Variants in NT5C1A observed in about 807,000 individuals in gnomAD.
NT5C1A encodes 5'-nucleotidase, cytosolic IA.
NT5C1A carries 18 observed loss-of-function variants against 31.0 expected under a neutral mutation model. The ratio of observed to expected loss-of-function variants is 0.58; its 90% CI spans 0.40 to 0.86. The LOEUF (loss-of-function observed/expected upper bound fraction) is 0.86. Ranked by LOEUF, NT5C1A falls within the 40% of genes least tolerant of loss-of-function variation. The pLI, the probability that NT5C1A is intolerant of heterozygous loss-of-function variation, is 0.00. For missense variants in NT5C1A, 470 were observed against 505.4 expected, an observed-to-expected ratio of 0.93 and a Z score of 0.67; for synonymous variants, 185 against 203.6, an observed-to-expected ratio of 0.91 and a Z score of 0.78.
chr1:39,667,196 CTTTTTT>C lies in NT5C1A; in HGVS notation c.136-966_136-961del, dbSNP rs5773668. Among the ~76,000 whole-genome samples the C allele has an allele frequency of 4.8e-5, 5 of 105,128 alleles. No individual in the cohort carries two copies. In the South Asian group the frequency reaches 9.8e-4, roughly 21 times the overall value. The allele number at this position is 105,128 out of a possible 152,430, so 69.0% of individuals were successfully genotyped here. A position where few individuals can be genotyped will look rare whatever the true frequency, so the allele number is the denominator to read the frequency against. ...TCACATCAGGTCATACTTTCCCCCT[CTTTTTT>C]TTTTTTTTTTTTTTCTGAGATGGAG... On this transcript the variant is annotated intron_variant, in intron 1 of 5. Transcript: ENST00000235628.
At chr1:39,661,365 C>A in intron 4 of NT5C1A, 102 bp from the exon 5 acceptor site, 1 of 555,436 alleles carries the variant, frequency 1.8e-6, no homozygotes, top group Non-Finnish European at 3.3e-6. Context: ...ATACAGGACT[C>A]AGGGCAAGGC....
chr1:39,671,189 C>A (rs1646549011), intron 1 of NT5C1A, among the ~76,000 whole-genome samples: 1 of 152,198 alleles, frequency 6.6e-6, no homozygotes, highest in African/African-American at 2.4e-5. Flanking sequence ...GCATCATCAA[C>A]TTGTTTGATG....
chr1:39,663,438 G>T lies in NT5C1A; in HGVS notation c.434-4C>A. ...CAGAACCTCTCGATGAACAGGTCTG[G>T]GAAGGAGGTAAAGGACCCAGGTGAG... On this transcript the variant is annotated splice_region_variant and splice_polypyrimidine_tract_variant and intron_variant, in intron 3 of 5. Transcript: ENST00000235628. 2 of 1,613,992 alleles carry T rather than the reference G, an allele frequency of 1.2e-6. No individual in the cohort carries two copies. The highest frequency in any genetic ancestry group is 1.7e-6 in the Non-Finnish European group (2 of 1,179,956).
intron 3 of NT5C1A, among the ~76,000 whole-genome samples, chr1:39,664,741 G>A (rs1213735264): frequency 1.3e-5 from 2 of 151,000 alleles, no homozygotes; most frequent in African/African-American, 4.9e-5. Flanking sequence ...CACCCGCCCT[G>A]GCCTCCCAAA....
rs1359096982 is a variant in NT5C1A, at chr1:39,663,343, A to G, written c.525T>C (p.Asp175=). 6.2e-7 allele frequency: 1 copy of G among 1,614,132 alleles called. No homozygotes were observed. Among genetic ancestry groups the G allele is most frequent in the South Asian group, 1.1e-5 (1 of 91,076 alleles). ...CAATGGCTTCTCGCACTTTTTCCGC[A>G]TCGGCTGACAAGTAGAGGTTGGTGT... The part of the protein sequence containing the change: ...AYHTNLYLSA[D]AEKVREAIDE... Residue 175 remains aspartate (D), a synonymous_variant, in exon 4 of 6, where the codon GAT becomes GAC. Transcript: ENST00000235628.
chr1:39,661,117 C>G lies in NT5C1A; in HGVS notation c.703G>C (p.Glu235Gln), dbSNP rs750228706. 2.1e-5 allele frequency: 34 copies of G among 1,591,194 alleles called. No homozygotes were observed. In the Middle Eastern group the frequency reaches 5.0e-4, roughly 24 times the overall value. Reference sequence around the variant, plus strand: ...TTGTTCTCGTGGGCCTTCTCATGCTCGAAGAATCGGTCCAGCCCGTGGGCC... The same window carrying G: ...TTGTTCTCGTGGGCCTTCTCATGCTGGAAGAATCGGTCCAGCCCGTGGGCC... ...VKAHGLDRFF[E>Q]HEKAHENKPL... is the part of the protein sequence containing the mutation. The change falls in exon 5 of 6, where the codon GAG (glutamate) becomes CAG (glutamine). Residue 235 changes from glutamate to glutamine, a missense_variant. Glu to Gln is a conservative substitution (Grantham distance 29). Coordinates refer to ENST00000235628, the MANE Select transcript of NT5C1A (RefSeq NM_032526.3).
Position 39,655,876 on chromosome 1 carries a change from T to G in NT5C1A, c.*3245A>C, listed in dbSNP as rs1049364508. Among the ~76,000 whole-genome samples, 1 of 152,134 alleles carries G rather than the reference T, an allele frequency of 6.6e-6. No individual in the cohort carries two copies. The highest frequency in any genetic ancestry group is 2.4e-5 in the African/African-American group (1 of 41,422). ...CAACTGCTATGGAGGTATTTCAAGT[T>G]TTAGTCATCAGTTTGGCTGTACTGG... On this transcript the variant is annotated 3_prime_UTR_variant, in exon 6 of 6. Coordinates refer to ENST00000235628, the MANE Select transcript of NT5C1A (RefSeq NM_032526.3).
intron 2 of NT5C1A, 49 bp downstream of exon 2, chr1:39,666,020 A>G (rs745502704): frequency 1.3e-6 from 2 of 1,553,694 alleles, no homozygotes; most frequent in Non-Finnish European, 1.7e-6. Flanking sequence ...GCTTTTTTCT[A>G]ATCCCCACGA....
rs1311445929 is a variant in NT5C1A at position 39,659,319 on chromosome 1, T to C, written c.909A>G (p.Thr303=). 1 of 1,614,032 alleles carries C rather than the reference T, an allele frequency of 6.2e-7. No individual in the cohort carries two copies. The highest frequency in any genetic ancestry group is 8.5e-7 in the Non-Finnish European group (1 of 1,180,016). ...CTCCAGCAAGGAACAAGGCTTCATCTGTCTCCAGGCCCCAGCTGCGCAGGG... is the reference window on the plus strand; with the variant it reads ...CTCCAGCAAGGAACAAGGCTTCATCCGTCTCCAGGCCCCAGCTGCGCAGGG... The part of the protein sequence containing the change: ...LKTLRSWGLE[T]DEALFLAGAP... The change falls in exon 6 of 6, where the codon ACA becomes ACG. Residue 303 remains threonine, a synonymous_variant. Transcript: ENST00000235628.
Position 39,653,742 on chromosome 1 carries a change from T to C in NT5C1A, c.*5379A>G, listed in dbSNP as rs556193193. 6.6e-6 allele frequency among the ~76,000 whole-genome samples: 1 copy of C among 152,292 alleles called. No homozygotes were observed. Among genetic ancestry groups the C allele is most frequent in the Non-Finnish European group, 1.5e-5 (1 of 68,000 alleles). On this transcript the variant is annotated 3_prime_UTR_variant, in exon 6 of 6. Transcript: ENST00000235628. ...GCAGAAAGGAGGTGGTTTTGTGTTT[T>C]GCTTTAAGACTAGATAAAACCCGTG...
At chr1:39,671,808 C>T in intron 1 of NT5C1A, 96 bp downstream of exon 1, 1 of 1,469,816 alleles carries the variant, frequency 6.8e-7, no homozygotes, top group South Asian at 1.2e-5. Context: ...CGTCCCCTCC[C>T]AGAGGGGCGC....
intron 1 of NT5C1A, 47 bp from the exon 2 acceptor site, chr1:39,666,283 G>A: frequency 6.3e-7 from 1 of 1,588,360 alleles, no homozygotes; most frequent in Non-Finnish European, 8.6e-7. Flanking sequence ...GACTGCCCCT[G>A]AGGCAGGCTC....
chr1:39,665,412 T>C lies in NT5C1A; in HGVS notation c.433+109A>G, dbSNP rs569334834. On this transcript the variant is annotated intron_variant, in intron 3 of 5. Coordinates refer to ENST00000235628, the MANE Select transcript of NT5C1A (RefSeq NM_032526.3). ...GCGAATTTACCAGCACACACTGGAC[T>C]TGGGGTTCTGGTCAGTACAACTCCA... 1.9e-5 allele frequency: 20 copies of C among 1,057,214 alleles called. No homozygotes were observed. The East Asian group carries it at 6.0e-4, about 32-fold the overall frequency. The allele number at this position is 1,057,214 out of a possible 1,614,324, so 65.5% of individuals were successfully genotyped here.
intron 5 of NT5C1A, 64 bp downstream of exon 5, chr1:39,661,015 G>A (rs1646490372): frequency 1.0e-6 from 1 of 972,888 alleles, no homozygotes; most frequent in Middle Eastern, 2.9e-4. Context: ...TGGGAGTGCA[G>A]GCCAAGGGCA....
chr1:39,653,932 G>A lies in NT5C1A; in HGVS notation c.*5189C>T, dbSNP rs1646447016. On this transcript the variant is annotated 3_prime_UTR_variant, in exon 6 of 6. Coordinates refer to ENST00000235628, the MANE Select transcript of NT5C1A (RefSeq NM_032526.3). ...AGCAAAACCCAACACCAATAGGGAT[G>A]GCAAAATAGGTTTCATCTTTCACAC... is the stretch of plus-strand genomic sequence containing the variant. Among the ~76,000 whole-genome samples the A allele has an allele frequency of 6.6e-6, 1 of 152,148 alleles. No individual in the cohort carries two copies. The highest frequency in any genetic ancestry group is 6.5e-5 in the Admixed American group (1 of 15,272).
Position 39,661,163 on chromosome 1 carries a change from G to C in NT5C1A, c.657C>G (p.Asp219Glu), listed in dbSNP as rs768709650. ...AFDGDAVLFS[D>E]ESERIVKAHG... ...GGGCCTTGACGATGCGCTCCGACTC[G>C]TCCGAGAAGAGCACGGCGTCCCCAT... The change falls in exon 5 of 6, where the codon GAC (aspartate) becomes GAG (glutamate). Residue 219 changes from aspartate (D) to glutamate (E), a missense_variant. Coordinates refer to ENST00000235628, the MANE Select transcript of NT5C1A (RefSeq NM_032526.3). 1 of 1,605,198 alleles carries C rather than the reference G, an allele frequency of 6.2e-7. No homozygotes were observed. The highest frequency in any genetic ancestry group is 8.5e-7 in the Non-Finnish European group (1 of 1,172,526).
At chr1:39,670,719 C>G (rs1190716270) in intron 1 of NT5C1A, among the ~76,000 whole-genome samples, 1 of 152,212 alleles carries the variant, frequency 6.6e-6, no homozygotes, top group Non-Finnish European at 1.5e-5. Flanking sequence ...AGTACTTATT[C>G]AGGAACACAG....
intron 1 of NT5C1A, among the ~76,000 whole-genome samples, chr1:39,671,614 C>T (rs933573429): frequency 1.3e-5 from 2 of 152,200 alleles, no homozygotes; most frequent in South Asian, 4.1e-4. Flanking sequence ...ATCCGCGCTC[C>T]CCGGCGGCCC....
chr1:39,661,148 G>A lies in NT5C1A; in HGVS notation c.672C>T (p.Ile224=), dbSNP rs1466393090. The A allele has an allele frequency of 1.6e-5, 26 of 1,601,436 alleles. No individual in the cohort carries two copies. Among genetic ancestry groups the A allele is most frequent in the Admixed American group, 1.2e-4 (7 of 59,868 alleles). The change falls in exon 5 of 6, where the codon ATC becomes ATT. Residue 224 remains isoleucine (I), a synonymous_variant. Coordinates refer to ENST00000235628, the MANE Select transcript of NT5C1A (RefSeq NM_032526.3). ...AVLFSDESER[I]VKAHGLDRFF... ...ATCGGTCCAGCCCGTGGGCCTTGAC[G>A]ATGCGCTCCGACTCGTCCGAGAAGA...
Sources: allele counts gnomAD v4.1 joint callset (sites outside exome capture counted in the v4.1 genomes callset), GRCh38; gene constraint gnomAD v4.1.1; transcripts MANE v1.5; gene names NCBI Gene and HGNC (gene_info 2026-07-23, HGNC 2026-07-21).